Variants in RSF1 observed in about 807,000 individuals in gnomAD.
RSF1 encodes the protein remodeling and spacing factor 1, also known as HBV pX-associated protein 8.
A neutral mutation model predicts 145.2 loss-of-function variants in RSF1; 13 were observed. That is an observed-to-expected ratio of 0.09 (90% CI 0.06 to 0.14). The LOEUF is 0.14. Ranked by LOEUF, RSF1 falls within the 10% of genes least tolerant of loss-of-function variation. RSF1 has a pLI of 1.00. For missense variants in RSF1, 1,517 were observed against 1,718.2 expected (o/e 0.88, Z 2.07); for synonymous variants, 577 against 592.6 (o/e 0.97, Z 0.38).
rs781655855 is a variant in RSF1 at position 77,678,076 on chromosome 11, A to T, written c.3133+10T>A. 4 of 1,608,150 alleles carry T rather than the reference A, an allele frequency of 2.5e-6. No individual in the cohort carries two copies. Among genetic ancestry groups the T allele is most frequent in the Non-Finnish European group, 3.4e-6 (4 of 1,175,018 alleles). ...AGTTCTATGAAGAAGAGAGAACGAC[A>T]AACACATACCTCCTCCATCGGCTTC... On this transcript the variant is annotated intron_variant, in intron 12 of 15. Transcript: ENST00000308488.
the RSF1 span, among the ~76,000 whole-genome samples, chr11:77,843,891 C>A: frequency 6.6e-6 from 1 of 152,122 alleles, no homozygotes; most frequent in Non-Finnish European, 1.5e-5. Flanking sequence ...TCACGTCTTA[C>A]ATGGATGGTG....
chr11:77,695,510 T>C (rs1200149930), intron 7 of RSF1, among the ~76,000 whole-genome samples: 1 of 152,218 alleles, frequency 6.6e-6, no homozygotes, highest in African/African-American at 2.4e-5. Flanking sequence ...AATTTGTTGT[T>C]GGAACTGTTC....
At chr11:77,760,739 T>C (rs963587561) in intron 2 of RSF1, among the ~76,000 whole-genome samples, 1 of 152,174 alleles carries the variant, frequency 6.6e-6, no homozygotes, top group South Asian at 2.1e-4. Context: ...CAGATGACAA[T>C]GGGCCTTTCT....
chr11:77,788,142 C>CAAAAAAAAAAAAAAAAAAAAA (rs66595170), intron 1 of RSF1, among the ~76,000 whole-genome samples: 1 of 3,432 alleles, frequency 2.9e-4, no homozygotes, highest in Non-Finnish European at 9.4e-4. Context: ...GACACTATCT[C>CAAAAAAAAAAAAAAAAAAAAA]AAAAAAAAAA....
intron 5 of RSF1, among the ~76,000 whole-genome samples, chr11:77,715,230 C>A (rs1590846634): frequency 1.3e-5 from 2 of 151,730 alleles, no homozygotes; most frequent in African/African-American, 4.8e-5. Context: ...TTGTTTATGG[C>A]AAAAAAATAC....
At chr11:77,715,028 G>A (rs1407020091) in intron 5 of RSF1, among the ~76,000 whole-genome samples, 15 of 152,094 alleles carry the variant, frequency 9.9e-5, no homozygotes, top group Non-Finnish European at 2.2e-4. Flanking sequence ...GGAAACTCAG[G>A]TAGGAGGATT....
At chr11:77,789,787 C>T (rs1275049106) in intron 1 of RSF1, among the ~76,000 whole-genome samples, 2 of 152,214 alleles carry the variant, frequency 1.3e-5, no homozygotes, top group Non-Finnish European at 2.9e-5. Flanking sequence ...TCTGGCCCAG[C>T]TTCACCCCCA....
intron 1 of RSF1, among the ~76,000 whole-genome samples, chr11:77,785,327 T>C (rs935102587): frequency 1.3e-5 from 2 of 152,306 alleles, no homozygotes; most frequent in African/African-American, 2.4e-5. Context: ...CAGTGGCTCA[T>C]GCCTGTAATC....
intron 8 of RSF1, among the ~76,000 whole-genome samples, chr11:77,693,274 GA>G (rs1315730528): frequency 2.0e-5 from 3 of 151,578 alleles, no homozygotes; most frequent in Non-Finnish European, 4.4e-5. Flanking sequence ...ACAAATACAA[GA>G]AAAAAATCAT....
chr11:77,669,654 T>G (rs1959467798), intron 15 of RSF1, among the ~76,000 whole-genome samples: 1 of 152,234 alleles, frequency 6.6e-6, no homozygotes. Context: ...ATTGTAACGA[T>G]CAGCACACAT....
the RSF1 span, among the ~76,000 whole-genome samples, chr11:77,826,236 C>A: frequency 2.6e-5 from 4 of 151,966 alleles, no homozygotes; most frequent in African/African-American, 7.3e-5. Flanking sequence ...GTGGTGCATG[C>A]CTGTAGTCCC....
At chr11:77,731,008 C>A (rs1454449713) in intron 4 of RSF1, among the ~76,000 whole-genome samples, 1 of 152,036 alleles carries the variant, frequency 6.6e-6, no homozygotes, top group Non-Finnish European at 1.5e-5. Flanking sequence ...GTGGAAGTGG[C>A]TTAAAAAATG....
At chr11:77,781,114 T>TGA (rs905344098) in intron 1 of RSF1, among the ~76,000 whole-genome samples, 7 of 151,826 alleles carry the variant, frequency 4.6e-5, no homozygotes, top group East Asian at 1.9e-4. Context: ...CTTTTTTTTT[T>TGA]GAGAGAGAGA....
intron 1 of RSF1, among the ~76,000 whole-genome samples, chr11:77,771,460 T>C (rs1221780080): frequency 6.6e-6 from 1 of 152,180 alleles, no homozygotes; most frequent in Non-Finnish European, 1.5e-5. Flanking sequence ...CCAATGTGGC[T>C]AGAAAATGAT....
chr11:77,773,805 T>C (rs996023052), intron 1 of RSF1, among the ~76,000 whole-genome samples: 4 of 152,188 alleles, frequency 2.6e-5, no homozygotes, highest in African/African-American at 9.7e-5. Context: ...AATTATCTTG[T>C]AATTTTAATA....
intron 4 of RSF1, among the ~76,000 whole-genome samples, chr11:77,730,972 G>C (rs1961193253): frequency 6.6e-6 from 1 of 152,164 alleles, no homozygotes; most frequent in South Asian, 2.1e-4. Flanking sequence ...CAGGAGTGGG[G>C]CGTTGCTGAA....
At chr11:77,817,420 T>C (rs148772306) in intron 1 of RSF1, among the ~76,000 whole-genome samples, 113 of 152,268 alleles carry the variant, frequency 7.4e-4, no homozygotes, top group African/African-American at 2.6e-3. Flanking sequence ...CACAAAGACA[T>C]ATCATCTATA....
intron 9 of RSF1, among the ~76,000 whole-genome samples, chr11:77,688,457 T>G (rs1047923905): frequency 6.6e-6 from 1 of 152,246 alleles, no homozygotes; most frequent in African/African-American, 2.4e-5. Flanking sequence ...CTAGTTTTTA[T>G]TCGTGATTTA....
At chr11:77,835,934 A>T in the RSF1 span, among the ~76,000 whole-genome samples, 11 of 152,086 alleles carry the variant, frequency 7.2e-5, no homozygotes, top group Non-Finnish European at 1.5e-4. Context: ...ATAATAATAA[A>T]AATAAAGTTG....
Sources: gnomAD v4.1 joint callset for allele counts (sites outside exome capture counted in the v4.1 genomes callset) on GRCh38, gnomAD v4.1.1 for gene constraint, MANE v1.5 for transcripts, NCBI Gene and HGNC (gene_info 2026-07-23, HGNC 2026-07-21) for gene names.